BLNK: variants seen among roughly 807,000 people sequenced by gnomAD.
BLNK encodes the protein B cell linker.
In BLNK, 29 loss-of-function variants were observed where a neutral mutation model predicts 73.5. The observed-to-expected ratio is 0.39, with a 90% CI of 0.29 to 0.54. The LOEUF (loss-of-function observed/expected upper bound fraction) is 0.54, where lower values mean the gene tolerates loss of function less well. BLNK is among the 20% of genes least tolerant of loss of function. The probability of loss-of-function intolerance (pLI) is 0.61; values close to 1 mark genes in which losing one functional copy is unlikely to be tolerated. For synonymous variants in BLNK, 176 were observed against 200.8 expected, an observed-to-expected ratio of 0.88 and a Z score of 1.04; for missense variants, 460 against 562.8, an observed-to-expected ratio of 0.82 and a Z score of 1.85.
chr10:96,242,665 A>T, intron 3 of BLNK, 70 bp downstream of exon 3: 1 of 1,411,384 alleles, frequency 7.1e-7, no homozygotes, highest in Non-Finnish European at 1.0e-6. Context: ...TTCCCTTTCC[A>T]TAAGCCTAAA....
At chr10:96,195,794 T>C (rs1240554323) in intron 16 of BLNK, among the ~76,000 whole-genome samples, 7 of 152,240 alleles carry the variant, frequency 4.6e-5, no homozygotes, top group African/African-American at 1.7e-4. Context: ...GTAAATTTTA[T>C]ATGTGGTTTT....
chr10:96,229,142 G>A (rs1842396114), intron 4 of BLNK, among the ~76,000 whole-genome samples: 1 of 152,032 alleles, frequency 6.6e-6, no homozygotes, highest in African/African-American at 2.4e-5. Context: ...ATTGTTGACT[G>A]TAGTTACCCT....
Position 96,271,354 on chromosome 10 carries a change from C to T in BLNK, c.45G>A (p.Leu15=), listed in dbSNP as rs138255946. 1.2e-6 allele frequency: 2 copies of T among 1,614,162 alleles called. No individual in the cohort carries two copies. The highest frequency in any genetic ancestry group is 8.5e-7 in the Non-Finnish European group (1 of 1,179,978). Residue 15 remains leucine, a splice_region_variant and synonymous_variant, in exon 1 of 17, where the codon TTG becomes TTA. Coordinates refer to ENST00000224337, the MANE Select transcript of BLNK (RefSeq NM_013314.4). ...NKITVPASQK[L]RQLQKMVHDI... ...GTATTGGGTGGGGAAAATCTTACCT[C>T]AACTTCTGACTGGCGGGGACGGTTA...
At chr10:96,261,523 A>C (rs1843754964) in intron 1 of BLNK, among the ~76,000 whole-genome samples, 1 of 152,256 alleles carries the variant, frequency 6.6e-6, no homozygotes, top group Non-Finnish European at 1.5e-5. Context: ...AATAGGTAGC[A>C]TCGGGTATAT....
chr10:96,263,866 C>T (rs1843872627), intron 1 of BLNK, among the ~76,000 whole-genome samples: 1 of 152,270 alleles, frequency 6.6e-6, no homozygotes, highest in African/African-American at 2.4e-5. Flanking sequence ...AGTGTCAGCC[C>T]AACACAAAAG....
chr10:96,263,092 G>A (rs1175639609), intron 1 of BLNK, among the ~76,000 whole-genome samples: 1 of 152,176 alleles, frequency 6.6e-6, no homozygotes, highest in African/African-American at 2.4e-5. Context: ...GGCAAGGCCC[G>A]AGTCCTCATG....
intron 6 of BLNK, among the ~76,000 whole-genome samples, chr10:96,219,495 C>T (rs1188435233): frequency 1.3e-5 from 2 of 152,208 alleles, no homozygotes; most frequent in African/African-American, 4.8e-5. Flanking sequence ...TATGTCTGAA[C>T]ACAGAATATT....
chr10:96,243,553 G>C (rs1359429681), intron 2 of BLNK, among the ~76,000 whole-genome samples: 1 of 151,978 alleles, frequency 6.6e-6, no homozygotes, highest in East Asian at 1.9e-4. Context: ...TCTTTAAAAA[G>C]GAAAAAAAGC....
intron 8 of BLNK, chr10:96,210,195 G>A (rs181242385): frequency 4.6e-6 from 2 of 438,022 alleles, no homozygotes; most frequent in East Asian, 9.6e-5. Flanking sequence ...GCCCCATGGG[G>A]CAAGTCCTGA....
intron 12 of BLNK, 122 bp from the exon 13 acceptor site, chr10:96,204,210 TA>T (rs2083735769): frequency 4.6e-6 from 5 of 1,082,308 alleles, no homozygotes; most frequent in Non-Finnish European, 5.6e-6. Context: ...AAATGGCCAA[TA>T]AAATGTATCT....
At chr10:96,263,604 G>A (rs1242492011) in intron 1 of BLNK, among the ~76,000 whole-genome samples, 2 of 152,202 alleles carry the variant, frequency 1.3e-5, no homozygotes, top group African/African-American at 4.8e-5. Context: ...AGCTTCTGGT[G>A]GACTCCCTTT....
intron 3 of BLNK, among the ~76,000 whole-genome samples, chr10:96,232,719 G>A (rs375544531): frequency 1.1e-4 from 16 of 152,298 alleles, no homozygotes; most frequent in African/African-American, 3.8e-4. Context: ...CAATCACTGG[G>A]GTTGGCCAAG....
chr10:96,216,413 G>A (rs1483153136), intron 7 of BLNK: 5 of 558,072 alleles, frequency 9.0e-6, no homozygotes, highest in African/African-American at 7.6e-5. Context: ...TTCATAATGT[G>A]AGATGGGAAG....
At chr10:96,203,971 G>T in intron 13 of BLNK, 86 bp downstream of exon 13, 1 of 1,130,712 alleles carries the variant, frequency 8.8e-7, no homozygotes, top group Non-Finnish European at 1.3e-6. Flanking sequence ...GGAAGCGACA[G>T]TGCTGTGTTA....
Position 96,199,525 on chromosome 10 carries a change from C to T in BLNK, c.1095+550G>A, listed in dbSNP as rs1414018221. On this transcript the variant is annotated intron_variant, in intron 15 of 16. Transcript: ENST00000224337. ...CCCACTGTTTGGAGGGCAGTGGAGG[C>T]TGTGGGTCCTTGAGGAGATGAAAGG... 1.3e-5 allele frequency: 6 copies of T among 460,880 alleles called. No individual in the cohort carries two copies. The East Asian group carries it at 4.0e-4, about 31-fold the overall frequency. 28.5% of individuals were successfully genotyped at this position (460,880 alleles called of 1,614,324 possible).
intron 2 of BLNK, among the ~76,000 whole-genome samples, chr10:96,244,210 G>T (rs1842967789): frequency 6.6e-6 from 1 of 152,120 alleles, no homozygotes; most frequent in Non-Finnish European, 1.5e-5. Context: ...CCATGATGAG[G>T]TATAGAGACA....
intron 8 of BLNK, 154 bp from the exon 9 acceptor site, chr10:96,210,061 G>A: frequency 2.5e-6 from 2 of 806,170 alleles, no homozygotes; most frequent in Non-Finnish European, 4.2e-6. Flanking sequence ...AAGCTATTAA[G>A]GAAAACTTGT....
Position 96,191,728 on chromosome 10 carries a change from G to T in BLNK, c.*245C>A. 3.0e-5 allele frequency: 11 copies of T among 361,818 alleles called. No individual in the cohort carries two copies. The highest frequency in any genetic ancestry group is 8.1e-5 in the South Asian group (2 of 24,706). The allele number at this position is 361,818 out of a possible 1,614,324, so 22.4% of individuals were successfully genotyped here. ...TTTTAAAAATAAAAATATTTATTTG[G>T]AAAATATTAGTAGCATGATAACTCA... On this transcript the variant is annotated 3_prime_UTR_variant, in exon 17 of 17. Transcript: ENST00000224337.
At chr10:96,220,892 G>C (rs17111461) in intron 6 of BLNK, among the ~76,000 whole-genome samples, 20,755 of 152,162 alleles carry the variant, frequency 0.14, 1,866 homozygotes, top group South Asian at 0.29. Flanking sequence ...TAGGACTACA[G>C]ATTTGAAAAA....
Sources: allele counts gnomAD v4.1 joint callset (sites outside exome capture counted in the v4.1 genomes callset), GRCh38; gene constraint gnomAD v4.1.1; transcripts MANE v1.5; gene names NCBI Gene and HGNC (gene_info 2026-07-23, HGNC 2026-07-21).